SAMD5: variants seen among roughly 807,000 people sequenced by gnomAD.
SAMD5 encodes sterile alpha motif domain-containing protein 5.
A neutral mutation model predicts 11.3 loss-of-function variants in SAMD5; 13 were observed. That is an observed-to-expected ratio of 1.15 (90% CI 0.75 to 1.83). The LOEUF is 1.83. Ranked by LOEUF, SAMD5 falls within the 40% of genes most tolerant of loss-of-function variation. The pLI is 0.00. For synonymous variants in SAMD5, 129 were observed against 111.3 expected, an observed-to-expected ratio of 1.16 and a Z score of -1.00; for missense variants, 255 against 239.1, an observed-to-expected ratio of 1.07 and a Z score of -0.44.
At chr6:147,881,146 C>T in the SAMD5 span, among the ~76,000 whole-genome samples, 1 of 152,178 alleles carries the variant, frequency 6.6e-6, no homozygotes, top group East Asian at 1.9e-4. Context: ...TGACAAGCAA[C>T]AGAACCCCTT....
At chr6:147,896,738 CAAAAAAAAAAA>C in the SAMD5 span, among the ~76,000 whole-genome samples, 4 of 55,322 alleles carry the variant, frequency 7.2e-5, no homozygotes, top group East Asian at 5.7e-4. Context: ...GAACATTAAC[CAAAAAAAAAAA>C]AAAAAAAAAA....
intron 1 of SAMD5, among the ~76,000 whole-genome samples, chr6:147,613,932 G>A (rs1322796384): frequency 5.6e-4 from 85 of 152,076 alleles, no homozygotes; most frequent in Non-Finnish European, 1.0e-4. Context: ...CTTCTGGTGA[G>A]TGCTCTATAG....
rs138263613 is a variant in SAMD5 at position 147,715,808 on chromosome 6, T to A, written c.163-21509T>A. Among the ~76,000 whole-genome samples the A allele has an allele frequency of 3.6e-3, 552 of 152,262 alleles. 2 individuals carry two copies. Among genetic ancestry groups the A allele is most frequent in the Non-Finnish European group, 6.3e-3 (430 of 68,036 alleles). On this transcript the variant is annotated intron_variant, in intron 1 of 1. Coordinates refer to the SAMD5 transcript ENST00000566741. ...TGCAGGTGGGGTGTCCTGATGAATGTCCAGCTTTCAGCAGAGGAGAACCTG... is the reference window on the plus strand; with the variant it reads ...TGCAGGTGGGGTGTCCTGATGAATGACCAGCTTTCAGCAGAGGAGAACCTG...
At chr6:147,570,307 G>A (rs774068131), downstream of SAMD5, among the ~76,000 whole-genome samples, 5 of 152,128 alleles carry the variant, frequency 3.3e-5, no homozygotes, top group Admixed American at 6.5e-5. Flanking sequence ...GGCTCACCGC[G>A]GTGGGAGATG....
chr6:147,725,469 A>C (rs920148009), intron 1 of SAMD5, among the ~76,000 whole-genome samples: 42 of 149,786 alleles, frequency 2.8e-4, no homozygotes, highest in African/African-American at 9.6e-4. Context: ...GCTCGCTGCA[A>C]CCTCTGCTTC....
the SAMD5 span, among the ~76,000 whole-genome samples, chr6:147,788,683 T>C: frequency 1.3e-5 from 2 of 152,296 alleles, no homozygotes; most frequent in East Asian, 3.9e-4. Context: ...CTAGAAAATA[T>C]TAAGTACTAT....
chr6:147,883,261 T>C, the SAMD5 span, among the ~76,000 whole-genome samples: 1 of 152,232 alleles, frequency 6.6e-6, no homozygotes, highest in African/African-American at 2.4e-5. Context: ...ATGTAAGTGC[T>C]ACTTAAAAAT....
chr6:147,599,800 G>T (rs940647099), intron 1 of SAMD5, among the ~76,000 whole-genome samples: 1 of 152,194 alleles, frequency 6.6e-6, no homozygotes, highest in Non-Finnish European at 1.5e-5. Context: ...CTGTTTCTCA[G>T]TTATTCATGT....
the SAMD5 span, among the ~76,000 whole-genome samples, chr6:147,936,640 A>G: frequency 2.0e-5 from 3 of 152,146 alleles, no homozygotes; most frequent in Admixed American, 2.0e-4. Flanking sequence ...GTTGGGGACA[A>G]ATATCCAAAC....
chr6:147,825,116 G>C, the SAMD5 span, among the ~76,000 whole-genome samples: 1 of 152,098 alleles, frequency 6.6e-6, no homozygotes, highest in African/African-American at 2.4e-5. Context: ...GGCCAACATA[G>C]TGAAACCCCG....
At chr6:147,634,765 C>T (rs1198245248) in intron 1 of SAMD5, among the ~76,000 whole-genome samples, 1 of 152,120 alleles carries the variant, frequency 6.6e-6, no homozygotes, top group Non-Finnish European at 1.5e-5. Context: ...TGAACTGATG[C>T]TCAGAAGTCA....
chr6:147,929,983 T>C, the SAMD5 span, among the ~76,000 whole-genome samples: 1 of 152,206 alleles, frequency 6.6e-6, no homozygotes, highest in African/African-American at 2.4e-5. Flanking sequence ...TATGGCACTC[T>C]CCTACACACT....
chr6:147,619,904 A>G (rs1789932842), intron 1 of SAMD5, among the ~76,000 whole-genome samples: 1 of 152,224 alleles, frequency 6.6e-6, no homozygotes, highest in Non-Finnish European at 1.5e-5. Flanking sequence ...GAGTCACTGC[A>G]GAGGGTCTAG....
the SAMD5 span, among the ~76,000 whole-genome samples, chr6:147,886,605 A>G: frequency 2.6e-5 from 4 of 152,266 alleles, no homozygotes; most frequent in African/African-American, 9.6e-5. Context: ...TTTATGTTAT[A>G]TAAGACTCCA....
the SAMD5 span, among the ~76,000 whole-genome samples, chr6:147,901,718 T>C: frequency 6.6e-6 from 1 of 152,200 alleles, no homozygotes; most frequent in Non-Finnish European, 1.5e-5. Context: ...GTATAATCAC[T>C]TATTTAGCAT....
chr6:147,747,209 G>A, the SAMD5 span, among the ~76,000 whole-genome samples: 10 of 152,186 alleles, frequency 6.6e-5, no homozygotes, highest in East Asian at 1.9e-4. Flanking sequence ...GGAAAAAGAG[G>A]TGTTTCCTTA....
the SAMD5 span, among the ~76,000 whole-genome samples, chr6:147,950,156 A>C: frequency 6.6e-6 from 1 of 152,302 alleles, no homozygotes; most frequent in East Asian, 1.9e-4. Flanking sequence ...GTGCAGAGAA[A>C]ACACAGTTTA....
chr6:147,778,032 A>T, the SAMD5 span, among the ~76,000 whole-genome samples: 3 of 152,178 alleles, frequency 2.0e-5, no homozygotes, highest in African/African-American at 7.2e-5. Context: ...TAACTTTTTT[A>T]AAGGAACTGC....
the SAMD5 span, among the ~76,000 whole-genome samples, chr6:147,786,939 A>G: frequency 6.7e-3 from 1,025 of 152,278 alleles, 6 homozygotes; most frequent in Non-Finnish European, 9.2e-3. Context: ...TTGCAAGGAT[A>G]TTTGTCTTTC....
Sources: allele counts gnomAD v4.1 joint callset (sites outside exome capture counted in the v4.1 genomes callset), GRCh38; gene constraint gnomAD v4.1.1; transcripts MANE v1.5; gene names NCBI Gene and HGNC (gene_info 2026-07-23, HGNC 2026-07-21).